Variants in DLG2 observed in about 807,000 individuals in gnomAD.
DLG2 encodes discs large MAGUK scaffold protein 2.
In DLG2, 45 loss-of-function variants were observed where a neutral mutation model predicts 132.5. That is an observed-to-expected ratio of 0.34 (90% CI 0.27 to 0.44). DLG2 has a LOEUF of 0.44. Ranked by LOEUF, DLG2 falls within the 20% of genes least tolerant of loss-of-function variation. The pLI is 1.00. For synonymous variants in DLG2, 424 were observed against 419.6 expected, an observed-to-expected ratio of 1.01 and a Z score of -0.13; for missense variants, 1,045 against 1,196.9, an observed-to-expected ratio of 0.87 and a Z score of 1.87.
At chr11:84,707,782 A>G (rs2059935158) in intron 6 of DLG2, among the ~76,000 whole-genome samples, 1 of 151,858 alleles carries the variant, frequency 6.6e-6, no homozygotes, top group Non-Finnish European at 1.5e-5. Context: ...TCAAGATTTG[A>G]CTAGGTAACA....
At chr11:84,907,109 T>A (rs1475839142) in intron 6 of DLG2, among the ~76,000 whole-genome samples, 1 of 152,202 alleles carries the variant, frequency 6.6e-6, no homozygotes, top group Non-Finnish European at 1.5e-5. Context: ...ATTTAAGGCA[T>A]ACACCATGGA....
At chr11:83,568,509 C>T (rs2096745970) in intron 19 of DLG2, among the ~76,000 whole-genome samples, 1 of 152,052 alleles carries the variant, frequency 6.6e-6, no homozygotes, top group Non-Finnish European at 1.5e-5. Context: ...GGAAATCATT[C>T]AGTGAACTGA....
chr11:84,773,482 C>G (rs190294527), intron 6 of DLG2, among the ~76,000 whole-genome samples: 5 of 152,258 alleles, frequency 3.3e-5, no homozygotes, highest in Admixed American at 2.0e-4. Flanking sequence ...AAGTAAACTT[C>G]AGGCCAATAT....
chr11:83,966,495 C>T (rs1330515802), intron 12 of DLG2, among the ~76,000 whole-genome samples: 1 of 151,932 alleles, frequency 6.6e-6, no homozygotes, highest in Non-Finnish European at 1.5e-5. Context: ...GTCTCTGCAC[C>T]ACTTCTCTGA....
chr11:85,402,815 T>C (rs2088285966), intron 3 of DLG2, among the ~76,000 whole-genome samples: 2 of 152,176 alleles, frequency 1.3e-5, no homozygotes, highest in South Asian at 4.1e-4. Flanking sequence ...CCAGTTAGAA[T>C]GTCGATCATT....
At chr11:84,803,195 A>C (rs563581601) in intron 6 of DLG2, among the ~76,000 whole-genome samples, 3 of 152,358 alleles carry the variant, frequency 2.0e-5, no homozygotes, top group African/African-American at 7.2e-5. Context: ...AATGCAGTGT[A>C]GAATATATTG....
intron 6 of DLG2, among the ~76,000 whole-genome samples, chr11:84,905,198 C>A (rs922033542): frequency 6.6e-6 from 1 of 152,062 alleles, no homozygotes; most frequent in Non-Finnish European, 1.5e-5. Flanking sequence ...TCAGGCATGA[C>A]CTGAATTTTT....
At chr11:84,663,926 G>T (rs1009838738) in intron 6 of DLG2, among the ~76,000 whole-genome samples, 1 of 152,016 alleles carries the variant, frequency 6.6e-6, no homozygotes. Context: ...TCCAGATCTG[G>T]TGCCCAGGCA....
chr11:84,384,178 C>A (rs937241630), intron 7 of DLG2, among the ~76,000 whole-genome samples: 24 of 150,382 alleles, frequency 1.6e-4, no homozygotes, highest in Non-Finnish European at 2.8e-4. Context: ...TTATTGAAAG[C>A]ATTTTATCAT....
intron 7 of DLG2, among the ~76,000 whole-genome samples, chr11:84,470,309 T>C (rs2099105298): frequency 1.3e-5 from 2 of 151,898 alleles, no homozygotes; most frequent in South Asian, 4.1e-4. Context: ...GAGGATAGAA[T>C]GGATTTCATT....
At chr11:84,644,788 C>A (rs11234106) in intron 6 of DLG2, among the ~76,000 whole-genome samples, 31,493 of 150,692 alleles carry the variant, frequency 0.21, 3,895 homozygotes, top group East Asian at 0.42. Flanking sequence ...GTGTGGGAAA[C>A]TAATAATTCC....
intron 6 of DLG2, among the ~76,000 whole-genome samples, chr11:84,651,466 T>C (rs1483305204): frequency 6.6e-6 from 1 of 152,032 alleles, no homozygotes; most frequent in African/African-American, 2.4e-5. Context: ...CTTTTCAGAG[T>C]TCACAGGAAG....
intron 8 of DLG2, among the ~76,000 whole-genome samples, chr11:84,183,783 T>C (rs1039217567): frequency 1.3e-5 from 2 of 152,148 alleles, no homozygotes; most frequent in African/African-American, 2.4e-5. Flanking sequence ...TGTCCATGTG[T>C]TCTCATTGTT....
intron 6 of DLG2, among the ~76,000 whole-genome samples, chr11:84,660,655 A>T (rs974658422): frequency 1.3e-5 from 2 of 152,152 alleles, no homozygotes; most frequent in African/African-American, 2.4e-5. Context: ...GCTGTAAAAG[A>T]AGGAAAATCT....
rs184414184 is a variant in DLG2 at position 83,582,864 on chromosome 11, A to T, written c.1941-41006T>A. 1.7e-3 allele frequency among the ~76,000 whole-genome samples: 256 copies of T among 152,360 alleles called. 1 individual carries two copies. The highest frequency in any genetic ancestry group is 5.9e-3 in the African/African-American group (247 of 41,582). ...ATCTAGCTTAGAGATTGGCACAGAG[A>T]TGCATTATTATCATTGTTGCTAAAA... On this transcript the variant is annotated intron_variant, in intron 19 of 27. Coordinates refer to ENST00000376104, the MANE Select transcript of DLG2 (RefSeq NM_001142699.3).
chr11:84,654,488 T>C (rs1350900496), intron 6 of DLG2, among the ~76,000 whole-genome samples: 3 of 152,170 alleles, frequency 2.0e-5, no homozygotes, highest in Admixed American at 1.3e-4. Flanking sequence ...GGGAATAAAA[T>C]AGTAGCTTCT....
intron 17 of DLG2, among the ~76,000 whole-genome samples, chr11:83,787,340 T>TTTTTTTAG (rs66699053): frequency 9.7e-6 from 1 of 102,756 alleles, no homozygotes; most frequent in Non-Finnish European, 1.8e-5. Context: ...TTTTTTTTTT[T>TTTTTTTAG]AGACAGAGTC....
intron 3 of DLG2, among the ~76,000 whole-genome samples, chr11:85,328,771 C>A (rs947898742): frequency 1.3e-5 from 2 of 148,300 alleles, no homozygotes; most frequent in African/African-American, 5.0e-5. Context: ...GAAGTTCTGG[C>A]CAGGGCAATC....
chr11:85,213,799 G>C (rs1023822481), intron 4 of DLG2, among the ~76,000 whole-genome samples: 1 of 152,078 alleles, frequency 6.6e-6, no homozygotes, highest in Admixed American at 6.6e-5. Flanking sequence ...GACAGGAAGG[G>C]TATGTTCAGG....
Sources: allele counts gnomAD v4.1 joint callset (sites outside exome capture counted in the v4.1 genomes callset), GRCh38; gene constraint gnomAD v4.1.1; transcripts MANE v1.5; gene names NCBI Gene and HGNC (gene_info 2026-07-23, HGNC 2026-07-21).